Variants in AFF3 observed in about 807,000 individuals in gnomAD.
The protein encoded by AFF3 is ALF transcription elongation factor 3.
Under a neutral mutation model 129.7 loss-of-function variants are expected in AFF3, and 32 were observed. That is an observed-to-expected ratio of 0.25 (90% CI 0.19 to 0.33). AFF3 has a LOEUF of 0.33. AFF3 is among the 10% of genes least tolerant of loss of function. AFF3 has a pLI of 1.00. For synonymous variants in AFF3, 644 were observed against 635.4 expected, an observed-to-expected ratio of 1.01 and a Z score of -0.20; for missense variants, 1,373 against 1,592.0, an observed-to-expected ratio of 0.86 and a Z score of 2.34.
Position 99,550,691 on chromosome 2 carries a change from G to A in AFF3, c.*783C>T, listed in dbSNP as rs887112411. 1.3e-5 allele frequency: 3 copies of A among 232,776 alleles called. No individual in the cohort carries two copies. The highest frequency in any genetic ancestry group is 6.6e-5 in the African/African-American group (3 of 45,320). The allele number at this position is 232,776 out of a possible 1,614,324, so 14.4% of individuals were successfully genotyped here. A position where few individuals can be genotyped will look rare whatever the true frequency, so the allele number is the denominator to read the frequency against. ...AACACACAGGCACTGCTACCTTAGT[G>A]TCTGTTAACTTTCAAAGACGCCGCG... is the stretch of plus-strand genomic sequence containing the variant. On this transcript the variant is annotated 3_prime_UTR_variant, in exon 25 of 25. Coordinates refer to ENST00000672756, the MANE Select transcript of AFF3 (RefSeq NM_001386135.1).
chr2:99,976,437 A>C (rs1678896658), intron 7 of AFF3, among the ~76,000 whole-genome samples: 1 of 152,214 alleles, frequency 6.6e-6, no homozygotes, highest in African/African-American at 2.4e-5. Context: ...GCTCCTAGGA[A>C]AAAGGTTCGT....
At chr2:100,019,446 G>A (rs1272424034) in intron 4 of AFF3, among the ~76,000 whole-genome samples, 2 of 152,180 alleles carry the variant, frequency 1.3e-5, no homozygotes, top group African/African-American at 2.4e-5. Flanking sequence ...AATGCCTCAT[G>A]ATAGCTAATC....
intron 7 of AFF3, among the ~76,000 whole-genome samples, chr2:99,938,181 C>T (rs1674701259): frequency 1.3e-5 from 2 of 152,318 alleles, no homozygotes; most frequent in South Asian, 4.1e-4. Flanking sequence ...ACTCAGTGAA[C>T]AATTACTGAG....
intron 4 of AFF3, among the ~76,000 whole-genome samples, chr2:100,076,535 T>C (rs751637782): frequency 1.3e-5 from 2 of 152,200 alleles, no homozygotes; most frequent in Non-Finnish European, 2.9e-5. Flanking sequence ...AAAACACCTA[T>C]GGCTCCAGCC....
chr2:99,770,141 T>C (rs1241906622), intron 8 of AFF3, among the ~76,000 whole-genome samples: 2 of 152,096 alleles, frequency 1.3e-5, no homozygotes, highest in African/African-American at 4.8e-5. Context: ...ATAAAAACCT[T>C]AGAAATCTAC....
chr2:99,932,545 A>G (rs1189028847), intron 7 of AFF3, among the ~76,000 whole-genome samples: 1 of 152,176 alleles, frequency 6.6e-6, no homozygotes, highest in Admixed American at 6.5e-5. Flanking sequence ...ACTTCCCCAC[A>G]GCAAGCTTGG....
At chr2:100,096,406 T>C (rs1356426292) in intron 4 of AFF3, among the ~76,000 whole-genome samples, 10 of 151,724 alleles carry the variant, frequency 6.6e-5, no homozygotes, top group Non-Finnish European at 5.9e-5. Flanking sequence ...CAGAATTGTA[T>C]TAGAAAGACT....
intron 4 of AFF3, among the ~76,000 whole-genome samples, chr2:100,079,066 C>A (rs1410792508): frequency 6.6e-6 from 1 of 151,764 alleles, no homozygotes; most frequent in Non-Finnish European, 1.5e-5. Flanking sequence ...CCTGCCTCAG[C>A]CTCCCGAGTA....
At chr2:99,868,044 C>T (rs758675110) in intron 7 of AFF3, among the ~76,000 whole-genome samples, 1 of 146,382 alleles carries the variant, frequency 6.8e-6, no homozygotes, top group Non-Finnish European at 1.5e-5. Context: ...GGTCCTTTGA[C>T]GGCAGCTCGT....
chr2:99,696,236 T>C (rs1676251758), intron 11 of AFF3, among the ~76,000 whole-genome samples: 1 of 152,122 alleles, frequency 6.6e-6, no homozygotes, highest in Non-Finnish European at 1.5e-5. Context: ...GGAAGAACTA[T>C]AAAAAGTTTC....
intron 15 of AFF3, 113 bp downstream of exon 15, chr2:99,593,082 G>T: frequency 7.9e-7 from 1 of 1,263,298 alleles, no homozygotes; most frequent in East Asian, 2.4e-5. Flanking sequence ...AAACTCCTGC[G>T]GCAGCCTACC....
At chr2:99,945,870 C>T (rs1675514947) in intron 7 of AFF3, among the ~76,000 whole-genome samples, 2 of 152,190 alleles carry the variant, frequency 1.3e-5, no homozygotes, top group African/African-American at 4.8e-5. Flanking sequence ...CGGCACCTAT[C>T]AGAAAACCTG....
In AFF3 at chr2:99,985,842, T is replaced by C. The variant is rs141331080; in HGVS notation, c.873+20790A>G. Among the ~76,000 whole-genome samples, 1,240 of 152,150 alleles carry C rather than the reference T, an allele frequency of 8.1e-3. 11 individuals are homozygous for C. Among genetic ancestry groups the C allele is most frequent in the Middle Eastern group, 0.014 (4 of 294 alleles). On this transcript the variant is annotated intron_variant, in intron 7 of 24. Coordinates refer to ENST00000672756, the MANE Select transcript of AFF3 (RefSeq NM_001386135.1). The stretch of plus-strand genomic sequence containing the variant: ...ACAGGTGTGTGCAGTTTGTAAAAAT[T>C]CTTCAAGTTGTATACTTAGGATTAC...
At chr2:99,843,733 T>A (rs1689496147) in intron 7 of AFF3, among the ~76,000 whole-genome samples, 1 of 152,230 alleles carries the variant, frequency 6.6e-6, no homozygotes, top group South Asian at 2.1e-4. Flanking sequence ...TTATATTAGT[T>A]GACTATAAAC....
intron 10 of AFF3, among the ~76,000 whole-genome samples, chr2:99,738,103 G>C (rs752293217): frequency 2.6e-5 from 4 of 152,050 alleles, no homozygotes; most frequent in Non-Finnish European, 5.9e-5. Flanking sequence ...CCCAGTTTCT[G>C]AATTAGGAGT....
chr2:99,578,266 C>T lies in AFF3; in HGVS notation c.2918+61G>A, dbSNP rs1575408797. 3 of 1,508,466 alleles carry T rather than the reference C, an allele frequency of 2.0e-6. No individual in the cohort carries two copies. The East Asian group carries it at 7.5e-5, about 38-fold the overall frequency. The allele number at this position is 1,508,466 out of a possible 1,614,324, so 93.4% of individuals were successfully genotyped here. ...CCACACCAAGGTGCCCATGCCCCTT[C>T]CACCTGAGCAGCTTCTGTTCTGTCT... On this transcript the variant is annotated intron_variant, in intron 18 of 24. Transcript: ENST00000672756.
At position 99,589,613 on chromosome 2, in the gene AFF3, A is replaced by C. The variant is rs541370149; in HGVS notation, c.2467-2335T>G. 1.4e-4 allele frequency among the ~76,000 whole-genome samples: 22 copies of C among 151,972 alleles called. No individual in the cohort carries two copies. The South Asian group carries it at 3.1e-3, about 22-fold the overall frequency. ...ACAGGGTTTCACCATGTTGGCCAGGATGGTCTCGATCTCTTGATCTCGTGA... is the reference window on the plus strand; with the variant it reads ...ACAGGGTTTCACCATGTTGGCCAGGCTGGTCTCGATCTCTTGATCTCGTGA... On this transcript the variant is annotated intron_variant, in intron 15 of 24. Transcript: ENST00000672756.
intron 10 of AFF3, among the ~76,000 whole-genome samples, chr2:99,737,403 A>G (rs1345504641): frequency 6.6e-6 from 1 of 151,686 alleles, no homozygotes; most frequent in Non-Finnish European, 1.5e-5. Flanking sequence ...CTGGTGGCAT[A>G]CTTTCCCAGC....
intron 4 of AFF3, among the ~76,000 whole-genome samples, chr2:100,076,884 C>T (rs1056950206): frequency 6.6e-6 from 1 of 152,148 alleles, no homozygotes; most frequent in Non-Finnish European, 1.5e-5. Context: ...CAAAGATGCC[C>T]ACCTCCTAAT....
Sources: gnomAD v4.1 joint callset for allele counts (sites outside exome capture counted in the v4.1 genomes callset) on GRCh38, gnomAD v4.1.1 for gene constraint, MANE v1.5 for transcripts, NCBI Gene and HGNC (gene_info 2026-07-23, HGNC 2026-07-21) for gene names.